Variants in WHRN observed in about 807,000 individuals in gnomAD.
WHRN encodes the protein CASK-interacting protein CIP98.
A neutral mutation model predicts 68.3 loss-of-function variants in WHRN; 41 were observed. The observed-to-expected ratio is 0.60, with a 90% confidence interval of 0.47 to 0.78. WHRN has a LOEUF of 0.78. WHRN is among the 30% of genes least tolerant of loss of function. WHRN has a pLI of 0.00. For missense variants in WHRN, 1,243 were observed against 1,244.7 expected, an observed-to-expected ratio of 1.00 and a Z score of 0.02; for synonymous variants, 560 against 561.3, an observed-to-expected ratio of 1.00 and a Z score of 0.03.
chr9:114,424,290 C>T, intron 6 of WHRN, 44 bp downstream of exon 6: 1 of 1,606,076 alleles, frequency 6.2e-7, no homozygotes, highest in Non-Finnish European at 8.5e-7. Context: ...GGATGCAGAG[C>T]CCTGGAAATG....
At chr9:114,495,717 T>C (rs1027694825) in intron 1 of WHRN, among the ~76,000 whole-genome samples, 1 of 152,054 alleles carries the variant, frequency 6.6e-6, no homozygotes, top group African/African-American at 2.4e-5. Context: ...TGGAAGGACT[T>C]GCAGGAGGAG....
At chr9:114,481,047 G>A (rs997189860) in intron 1 of WHRN, among the ~76,000 whole-genome samples, 2 of 152,156 alleles carry the variant, frequency 1.3e-5, no homozygotes, top group Non-Finnish European at 2.9e-5. Flanking sequence ...CTAAGAAGGG[G>A]GGTGAACACT....
intron 7 of WHRN, among the ~76,000 whole-genome samples, chr9:114,416,363 T>C (rs985917337): frequency 6.6e-6 from 1 of 152,254 alleles, no homozygotes; most frequent in Non-Finnish European, 1.5e-5. Flanking sequence ...CCTGAAATGC[T>C]TTGGCTATGT....
Position 114,402,759 on chromosome 9 carries a change from G to A in WHRN, c.2719C>T (p.Leu907Phe). Reference sequence around the variant, plus strand: ...AGGCCCTCAGGCCTTGGCCTCTAGAGCATCACATTGAACTCAGTGACCAGA... The same window carrying A: ...AGGCCCTCAGGCCTTGGCCTCTAGAACATCACATTGAACTCAGTGACCAGA... ...DFLVTEFNVM[L>F] The change falls in exon 12 of 12, where the codon CTC becomes TTC. Residue 907 changes from leucine (L) to phenylalanine (F), a missense_variant. Transcript: ENST00000362057. 3 of 1,613,918 alleles carry A rather than the reference G, an allele frequency of 1.9e-6. No individual in the cohort carries two copies. Among genetic ancestry groups the A allele is most frequent in the Non-Finnish European group, 2.5e-6 (3 of 1,180,030 alleles).
intron 3 of WHRN, among the ~76,000 whole-genome samples, chr9:114,459,730 A>G (rs1180254084): frequency 6.6e-6 from 1 of 152,224 alleles, no homozygotes; most frequent in Non-Finnish European, 1.5e-5. Flanking sequence ...TCATCCACAC[A>G]GTCACTGAAA....
At chr9:114,443,153 A>G (rs1211642537) in intron 3 of WHRN, among the ~76,000 whole-genome samples, 1 of 152,228 alleles carries the variant, frequency 6.6e-6, no homozygotes, top group East Asian at 1.9e-4. Context: ...AGAATATTAG[A>G]CAAGAGCCAA....
intron 1 of WHRN, among the ~76,000 whole-genome samples, chr9:114,485,884 T>A (rs1427016873): frequency 6.6e-6 from 1 of 151,682 alleles, no homozygotes; most frequent in Non-Finnish European, 1.5e-5. Flanking sequence ...CATAATGGTG[T>A]GCACCTGCAG....
intron 7 of WHRN, among the ~76,000 whole-genome samples, chr9:114,410,871 C>T (rs763097744): frequency 1.6e-4 from 24 of 152,354 alleles, no homozygotes; most frequent in Non-Finnish European, 2.1e-4. Flanking sequence ...GGGCTGCTCT[C>T]TCACTCACTG....
At chr9:114,423,907 C>G (rs1836552512) in intron 6 of WHRN, among the ~76,000 whole-genome samples, 1 of 152,202 alleles carries the variant, frequency 6.6e-6, no homozygotes, top group Non-Finnish European at 1.5e-5. Context: ...ATTTCACCAC[C>G]TCTTCCTTTG....
At chr9:114,430,238 G>A (rs1837295024) in intron 3 of WHRN, among the ~76,000 whole-genome samples, 1 of 152,098 alleles carries the variant, frequency 6.6e-6, no homozygotes, top group South Asian at 2.1e-4. Context: ...GCATCGACGT[G>A]GCCTTCTATG....
At chr9:114,475,193 A>G (rs1841550540) in intron 2 of WHRN, among the ~76,000 whole-genome samples, 1 of 152,196 alleles carries the variant, frequency 6.6e-6, no homozygotes, top group Non-Finnish European at 1.5e-5. Flanking sequence ...CCAAGGTTTG[A>G]ACCCAGGCAG....
chr9:114,438,849 T>C lies in WHRN; in HGVS notation c.964-12436A>G, dbSNP rs573366924. 3.3e-5 allele frequency among the ~76,000 whole-genome samples: 5 copies of C among 152,314 alleles called. No homozygotes were observed. In the South Asian group the frequency reaches 6.2e-4, roughly 19 times the overall value. On this transcript the variant is annotated intron_variant, in intron 3 of 11. Transcript: ENST00000362057. ...TACTCACTGAAGCACTGTTTGTGACTGTAAAACACTGAAAATAACCTAAAT... is the reference window on the plus strand; with the variant it reads ...TACTCACTGAAGCACTGTTTGTGACCGTAAAACACTGAAAATAACCTAAAT...
At chr9:114,405,114 AT>A (rs1834934949) in intron 9 of WHRN, among the ~76,000 whole-genome samples, 1 of 128,846 alleles carries the variant, frequency 7.8e-6, no homozygotes, top group Non-Finnish European at 1.5e-5. Context: ...TCACTCTGTC[AT>A]CTAGGCTGGA....
At position 114,406,767 on chromosome 9, in the gene WHRN, C is replaced by T. The variant is rs755074681; in HGVS notation, c.1824G>A (p.Gln608=). Residue 608 remains glutamine (Q), a synonymous_variant, in exon 9 of 12, where the codon CAG becomes CAA. Transcript: ENST00000362057. ...QPRKLGREDL[Q]PPSSMPSCSG... ...AGCAGGAAGGCATGGAGGAAGGTGGCTGGAGGTCCTCTCTCCCCAGCTTCC... is the reference window on the plus strand; with the variant it reads ...AGCAGGAAGGCATGGAGGAAGGTGGTTGGAGGTCCTCTCTCCCCAGCTTCC... 30 of 1,614,080 alleles carry T rather than the reference C, an allele frequency of 1.9e-5. No individual in the cohort carries two copies. The highest frequency in any genetic ancestry group is 2.1e-5 in the Non-Finnish European group (25 of 1,179,980).
intron 9 of WHRN, 69 bp downstream of exon 9, chr9:114,406,286 A>G (rs1021385245): frequency 3.6e-5 from 57 of 1,593,250 alleles, no homozygotes; most frequent in Non-Finnish European, 3.3e-5. Context: ...TCACTGTGTC[A>G]TCAGGTAGAC....
At chr9:114,501,817 C>A (rs531214248) in intron 1 of WHRN, among the ~76,000 whole-genome samples, 1 of 152,204 alleles carries the variant, frequency 6.6e-6, no homozygotes, top group East Asian at 1.9e-4. Flanking sequence ...TGGTGACTCG[C>A]AGCACTGCAG....
At chr9:114,475,357 G>A (rs573357619) in intron 2 of WHRN, among the ~76,000 whole-genome samples, 2 of 152,206 alleles carry the variant, frequency 1.3e-5, no homozygotes, top group African/African-American at 4.8e-5. Flanking sequence ...ACCCTGCCCC[G>A]TTCACTTCTG....
chr9:114,428,114 G>A (rs1278275550), intron 3 of WHRN, among the ~76,000 whole-genome samples: 1 of 152,120 alleles, frequency 6.6e-6, no homozygotes, highest in African/African-American at 2.4e-5. Flanking sequence ...GATCACTTGG[G>A]GTCAGGAGTT....
chr9:114,452,528 A>G (rs954457870), intron 3 of WHRN, among the ~76,000 whole-genome samples: 3 of 152,258 alleles, frequency 2.0e-5, no homozygotes, highest in African/African-American at 7.2e-5. Context: ...CAAAGCTCCT[A>G]TCTTGAGCAC....
Sources: gnomAD v4.1 joint callset for allele counts (sites outside exome capture counted in the v4.1 genomes callset) on GRCh38, gnomAD v4.1.1 for gene constraint, MANE v1.5 for transcripts, NCBI Gene and HGNC (gene_info 2026-07-23, HGNC 2026-07-21) for gene names.